The following ARSJ variants were observed in gnomAD, a reference collection of about 807,000 sequenced individuals.
The protein encoded by ARSJ is arylsulfatase family member J, also known as arylsulfatase J.
In ARSJ, 26 loss-of-function variants were observed where a neutral mutation model predicts 35.9. The observed-to-expected ratio is 0.72, with a 90% CI of 0.53 to 1.00. ARSJ has a LOEUF of 1.00. Among genes scored for constraint, ARSJ ranks in the 50% least tolerant of loss-of-function variants. The pLI is 0.00. For missense variants in ARSJ, 667 were observed against 723.6 expected (o/e 0.92, Z 0.90); for synonymous variants, 294 against 267.6 (o/e 1.10, Z -0.96).
chr4:113,918,995 G>A (rs532562323), intron 1 of ARSJ, among the ~76,000 whole-genome samples: 17 of 152,114 alleles, frequency 1.1e-4, no homozygotes, highest in Middle Eastern at 3.4e-3. Context: ...CCAAAATATT[G>A]GGCTGATCCT....
chr4:113,924,990 C>T (rs1371349886), intron 1 of ARSJ, among the ~76,000 whole-genome samples: 1 of 152,064 alleles, frequency 6.6e-6, no homozygotes, highest in Non-Finnish European at 1.5e-5. Context: ...CATTTGTAGT[C>T]CTGCCGGGAT....
chr4:113,928,222 C>T (rs1024059431), intron 1 of ARSJ, among the ~76,000 whole-genome samples: 7 of 152,094 alleles, frequency 4.6e-5, no homozygotes, highest in African/African-American at 1.7e-4. Context: ...TGATTATTTC[C>T]CTTTCCCCAA....
At chr4:113,948,847 T>C (rs1725671361) in intron 1 of ARSJ, among the ~76,000 whole-genome samples, 1 of 152,140 alleles carries the variant, frequency 6.6e-6, no homozygotes, top group Non-Finnish European at 1.5e-5. Context: ...CTGTATCTCT[T>C]CATTGCAACA....
chr4:113,968,764 A>G lies in ARSJ; in HGVS notation c.398+9673T>C, dbSNP rs77553482. On this transcript the variant is annotated intron_variant, in intron 1 of 1. Transcript: ENST00000315366. Reference sequence around the variant, plus strand: ...TTATGCTTTAGTCTCCAAGTAGTGGAAACTTCTAAAAATTTTAAGCAGGGA... The same window carrying G: ...TTATGCTTTAGTCTCCAAGTAGTGGGAACTTCTAAAAATTTTAAGCAGGGA... Among the ~76,000 whole-genome samples the G allele has an allele frequency of 0.013, 2,049 of 152,308 alleles. 114 individuals carry two copies. In the East Asian group the frequency reaches 0.16, roughly 12 times the overall value.
intron 1 of ARSJ, among the ~76,000 whole-genome samples, chr4:113,960,310 C>T (rs933178097): frequency 6.6e-6 from 1 of 152,060 alleles, no homozygotes; most frequent in Non-Finnish European, 1.5e-5. Context: ...GCTTTCCTCA[C>T]TACTGGGCTA....
chr4:113,925,214 T>C (rs1723977628), intron 1 of ARSJ, among the ~76,000 whole-genome samples: 1 of 152,092 alleles, frequency 6.6e-6, no homozygotes, highest in Non-Finnish European at 1.5e-5. Context: ...CAGGTGGCAA[T>C]CTTAGCTTCC....
Position 113,901,240 on chromosome 4 carries a change from A to G in ARSJ, c.*1034T>C, listed in dbSNP as rs2099666943. On this transcript the variant is annotated 3_prime_UTR_variant, in exon 2 of 2. Coordinates refer to ENST00000315366, the MANE Select transcript of ARSJ (RefSeq NM_024590.4). The stretch of plus-strand genomic sequence containing the variant: ...AGATACATAAATAGTTTATGATAGA[A>G]ACAATAAAGTTGTCTCAACTCTGCA... 1.3e-5 allele frequency: 2 copies of G among 152,244 alleles called. No homozygotes were observed. The highest frequency in any genetic ancestry group is 1.3e-4 in the Admixed American group (2 of 15,288). 9.4% of individuals were successfully genotyped at this position (152,244 alleles called of 1,614,324 possible).
At chr4:113,953,588 A>T (rs1356477696) in intron 1 of ARSJ, among the ~76,000 whole-genome samples, 1 of 151,900 alleles carries the variant, frequency 6.6e-6, no homozygotes, top group Non-Finnish European at 1.5e-5. Flanking sequence ...TGAATTTCCA[A>T]TAGGATCTGC....
rs1313653979 is a variant in ARSJ at position 113,978,783 on chromosome 4, A to G, written c.52T>C (p.Cys18Arg). 1 of 1,613,994 alleles carries G rather than the reference A, an allele frequency of 6.2e-7. No individual in the cohort carries two copies. Residue 18 changes from cysteine to arginine, a missense_variant, in exon 1 of 2, where the codon TGT becomes CGT. Physicochemically the swap from Cys to Arg is radical, Grantham distance 180. Coordinates refer to ENST00000315366, the MANE Select transcript of ARSJ (RefSeq NM_024590.4). ...GCTAGCATCTTTCCAGGACAGACACAGGCCTGTGGAGAAGGCGGAGGCGGA... is the reference window on the plus strand; with the variant it reads ...GCTAGCATCTTTCCAGGACAGACACGGGCCTGTGGAGAAGGCGGAGGCGGA... ...GHPPPPSPQA[C>R]VCPGKMLAMG...
chr4:113,959,183 T>A (rs1444289060), intron 1 of ARSJ, among the ~76,000 whole-genome samples: 2 of 152,084 alleles, frequency 1.3e-5, no homozygotes, highest in African/African-American at 4.8e-5. Flanking sequence ...GACATTTTTC[T>A]GAATGGCTCA....
intron 1 of ARSJ, among the ~76,000 whole-genome samples, chr4:113,909,478 G>A (rs573074251): frequency 5.3e-5 from 8 of 152,140 alleles, no homozygotes; most frequent in Admixed American, 5.2e-4. Flanking sequence ...ATCCCCACAT[G>A]TCGTGAGAGG....
chr4:113,916,433 A>G (rs539638251), intron 1 of ARSJ, among the ~76,000 whole-genome samples: 1 of 152,156 alleles, frequency 6.6e-6, no homozygotes, highest in African/African-American at 2.4e-5. Flanking sequence ...GTGGTGAGGT[A>G]TAGAATAAAG....
intron 1 of ARSJ, among the ~76,000 whole-genome samples, chr4:113,911,721 C>G (rs183574896): frequency 6.6e-6 from 1 of 151,996 alleles, no homozygotes; most frequent in East Asian, 1.9e-4. Context: ...TGATTCCTGC[C>G]CTGCATTTAG....
At chr4:113,934,642 T>C (rs1462260115) in intron 1 of ARSJ, among the ~76,000 whole-genome samples, 1 of 151,740 alleles carries the variant, frequency 6.6e-6, no homozygotes, top group Non-Finnish European at 1.5e-5. Context: ...AGAGAATAAT[T>C]TGAATGTTCC....
chr4:113,966,061 A>C (rs1726875044), intron 1 of ARSJ, among the ~76,000 whole-genome samples: 1 of 151,934 alleles, frequency 6.6e-6, no homozygotes, highest in Admixed American at 6.6e-5. Context: ...GTTTTAAATA[A>C]ATTTCTAATA....
chr4:113,916,528 CT>C (rs11458953), intron 1 of ARSJ, among the ~76,000 whole-genome samples: 1 of 151,496 alleles, frequency 6.6e-6, no homozygotes, highest in African/African-American at 2.4e-5. Context: ...CACGTTCTCT[CT>C]TTTTTTTGTC....
At chr4:113,942,778 C>G (rs974924118) in intron 1 of ARSJ, among the ~76,000 whole-genome samples, 1 of 152,014 alleles carries the variant, frequency 6.6e-6, no homozygotes, top group Non-Finnish European at 1.5e-5. Flanking sequence ...AGAAAATTTA[C>G]CACGTTTCTT....
At chr4:113,933,294 C>A (rs891013374) in intron 1 of ARSJ, among the ~76,000 whole-genome samples, 27 of 151,758 alleles carry the variant, frequency 1.8e-4, no homozygotes, top group Admixed American at 1.3e-4. Context: ...ATTACCAATT[C>A]TACTAAAAAT....
chr4:113,911,127 A>C (rs1321121736), intron 1 of ARSJ, among the ~76,000 whole-genome samples: 1 of 151,624 alleles, frequency 6.6e-6, no homozygotes, highest in Non-Finnish European at 1.5e-5. Context: ...AAGGGAAGAC[A>C]AAGTGTTTCA....
Sources: allele counts gnomAD v4.1 joint callset (sites outside exome capture counted in the v4.1 genomes callset), GRCh38; gene constraint gnomAD v4.1.1; transcripts MANE v1.5; gene names NCBI Gene and HGNC (gene_info 2026-07-23, HGNC 2026-07-21).